The following SEMA5B variants were observed in gnomAD, a reference collection of about 807,000 sequenced individuals.
The protein encoded by SEMA5B is semaphorin 5B, also known as semaphorin-5B.
In SEMA5B, 66 loss-of-function variants were observed where a neutral mutation model predicts 135.0. That is an observed-to-expected ratio of 0.49 (90% CI 0.40 to 0.60). The LOEUF is 0.60. SEMA5B is among the 20% of genes least tolerant of loss of function. The pLI, the probability that SEMA5B is intolerant of heterozygous loss-of-function variation, is 0.00. For missense variants in SEMA5B, 1,501 were observed against 1,566.3 expected (o/e 0.96, Z 0.70); for synonymous variants, 690 against 639.5 (o/e 1.08, Z -1.19).
intron 1 of SEMA5B, among the ~76,000 whole-genome samples, chr3:123,007,339 A>C (rs1411108223): frequency 6.6e-6 from 1 of 152,078 alleles, no homozygotes; most frequent in African/African-American, 2.4e-5. Context: ...AGGGAAGCCA[A>C]AGCCAGGATA....
chr3:122,983,462 C>A (rs1438774988), intron 1 of SEMA5B, among the ~76,000 whole-genome samples: 2 of 151,078 alleles, frequency 1.3e-5, no homozygotes, highest in South Asian at 2.1e-4. Flanking sequence ...GGGGACGGGG[C>A]GGGGTGGTAA....
intron 1 of SEMA5B, among the ~76,000 whole-genome samples, chr3:123,019,715 C>T (rs549486663): frequency 2.0e-3 from 310 of 152,234 alleles, no homozygotes; most frequent in Non-Finnish European, 3.2e-3. Flanking sequence ...GCTGTTTTTA[C>T]GGAACACTAG....
chr3:122,934,493 G>A lies in SEMA5B; in HGVS notation c.474+4932C>T, dbSNP rs181444623. Among the ~76,000 whole-genome samples, 31 of 152,154 alleles carry A rather than the reference G, an allele frequency of 2.0e-4. No homozygotes were observed. The East Asian group carries it at 6.0e-3, about 29-fold the overall frequency. Reference sequence around the variant, plus strand: ...TACAATCAGCAAAATCCAGGCTGTGGGAAACTCTATAGGACAAGTGACGAG... The same window carrying A: ...TACAATCAGCAAAATCCAGGCTGTGAGAAACTCTATAGGACAAGTGACGAG... On this transcript the variant is annotated intron_variant, in intron 5 of 22. Transcript: ENST00000357599.
chr3:122,981,636 A>C (rs1941523851), intron 1 of SEMA5B, among the ~76,000 whole-genome samples: 1 of 152,260 alleles, frequency 6.6e-6, no homozygotes, highest in Non-Finnish European at 1.5e-5. Context: ...AGAATGAGAC[A>C]AGAACACTGA....
chr3:122,935,529 T>C (rs1939222673), intron 5 of SEMA5B, among the ~76,000 whole-genome samples: 1 of 152,020 alleles, frequency 6.6e-6, no homozygotes, highest in Admixed American at 6.5e-5. Flanking sequence ...TTAGAGAATG[T>C]CAATCAATCC....
intron 5 of SEMA5B, 40 bp downstream of exon 5, chr3:122,939,385 G>A: frequency 6.5e-7 from 1 of 1,536,188 alleles, no homozygotes; most frequent in Non-Finnish European, 9.0e-7. Context: ...CTCTGGAATA[G>A]GGGAAATTAT....
At chr3:123,014,443 C>T (rs539863815) in intron 1 of SEMA5B, among the ~76,000 whole-genome samples, 4 of 152,250 alleles carry the variant, frequency 2.6e-5, no homozygotes, top group Non-Finnish European at 5.9e-5. Flanking sequence ...ATCCGACAAG[C>T]TCTTCATGAA....
intron 5 of SEMA5B, among the ~76,000 whole-genome samples, chr3:122,936,619 G>A (rs1353951907): frequency 6.6e-6 from 1 of 152,324 alleles, no homozygotes. Context: ...GGCAAAGGTC[G>A]CTCACGAGCT....
At chr3:122,970,022 G>A (rs547039673) in intron 1 of SEMA5B, among the ~76,000 whole-genome samples, 32 of 152,262 alleles carry the variant, frequency 2.1e-4, no homozygotes, top group Non-Finnish European at 3.1e-4. Context: ...TCCGTGTCTC[G>A]GCTGATGTTC....
intron 1 of SEMA5B, among the ~76,000 whole-genome samples, chr3:122,995,665 G>T (rs1942006782): frequency 6.6e-6 from 1 of 152,218 alleles, no homozygotes; most frequent in Non-Finnish European, 1.5e-5. Context: ...CACCTCATGA[G>T]ACAGCCCAGT....
chr3:123,020,714 G>A (rs1246950229), intron 1 of SEMA5B, among the ~76,000 whole-genome samples: 4 of 152,300 alleles, frequency 2.6e-5, no homozygotes, highest in African/African-American at 4.8e-5. Context: ...GGCTCCCCCC[G>A]CAGAAATCCT....
chr3:122,965,270 G>A (rs1473149348), intron 1 of SEMA5B, among the ~76,000 whole-genome samples: 4 of 152,268 alleles, frequency 2.6e-5, no homozygotes, highest in Middle Eastern at 3.4e-3. Context: ...CATTGTCTTC[G>A]ATAATAAACT....
intron 1 of SEMA5B, among the ~76,000 whole-genome samples, chr3:123,024,617 A>G (rs1942758373): frequency 6.6e-6 from 1 of 152,170 alleles, no homozygotes; most frequent in Non-Finnish European, 1.5e-5. Flanking sequence ...GGAACTTATC[A>G]TCTGACAGAA....
chr3:123,008,430 T>A (rs1355379399), intron 1 of SEMA5B, among the ~76,000 whole-genome samples: 1 of 152,136 alleles, frequency 6.6e-6, no homozygotes, highest in African/African-American at 2.4e-5. Context: ...AAAGGATTAT[T>A]TGAAGGCACT....
Position 122,911,900 on chromosome 3 carries a change from G to A in SEMA5B, c.3046+20C>T, listed in dbSNP as rs761993980. On this transcript the variant is annotated intron_variant, in intron 20 of 22. Coordinates refer to ENST00000357599, the MANE Select transcript of SEMA5B (RefSeq NM_001031702.4). ...CAGGCTGGGAAGGGTTGCTGCGCAG[G>A]TGCTGGCAGGGGTACCTACCGGGAA... is the stretch of plus-strand genomic sequence containing the variant. 20 of 1,584,336 alleles carry A rather than the reference G, an allele frequency of 1.3e-5. No homozygotes were observed. Among genetic ancestry groups the A allele is most frequent in the Non-Finnish European group, 1.6e-5 (19 of 1,161,184 alleles).
At position 122,943,450 on chromosome 3, in the gene SEMA5B, G is replaced by A. The variant is rs764954750; in HGVS notation, c.414C>T (p.Leu138=). The change falls in exon 4 of 23, where the codon CTC becomes CTT. Residue 138 remains leucine, a synonymous_variant. Transcript: ENST00000357599. ...CCCCTTGTTACCTGGCTCCCACGATGAGCTGGTTCCCGGAGGGGTCCAAAG... is the reference window on the plus strand; with the variant it reads ...CCCCTTGTTACCTGGCTCCCACGATAAGCTGGTTCCCGGAGGGGTCCAAAG... ...QLALDPSGNQ[L]IVGARNYLFR... The A allele has an allele frequency of 1.2e-5, 19 of 1,605,930 alleles. No individual in the cohort carries two copies. Among genetic ancestry groups the A allele is most frequent in the Non-Finnish European group, 1.5e-5 (18 of 1,176,950 alleles).
chr3:122,991,865 A>G lies in SEMA5B; in HGVS notation c.-38-30564T>C, dbSNP rs115500413. On this transcript the variant is annotated intron_variant, in intron 1 of 22. Transcript: ENST00000357599. ...GAGACTTAGGGAGATATAAGCAAAG[A>G]CCATACTATCACAAAGGAGAGAAAA... is the stretch of plus-strand genomic sequence containing the variant. Among the ~76,000 whole-genome samples the G allele has an allele frequency of 2.8e-3, 427 of 152,254 alleles. 3 individuals carry two copies. Among genetic ancestry groups the G allele is most frequent in the African/African-American group, 9.9e-3 (411 of 41,546 alleles).
chr3:123,001,572 A>G (rs1404175843), intron 1 of SEMA5B, among the ~76,000 whole-genome samples: 1 of 152,202 alleles, frequency 6.6e-6, no homozygotes, highest in African/African-American at 2.4e-5. Context: ...CCAAAAATCC[A>G]GAATGTATTT....
intron 1 of SEMA5B, among the ~76,000 whole-genome samples, chr3:122,986,808 C>T (rs1210550316): frequency 1.3e-5 from 2 of 152,196 alleles, no homozygotes; most frequent in East Asian, 1.9e-4. Context: ...ATTTGCTCTA[C>T]CATCTTCAAA....
Sources: allele counts gnomAD v4.1 joint callset (sites outside exome capture counted in the v4.1 genomes callset), GRCh38; gene constraint gnomAD v4.1.1; transcripts MANE v1.5; gene names NCBI Gene and HGNC (gene_info 2026-07-23, HGNC 2026-07-21).